TMEM108: variants seen among roughly 807,000 people sequenced by gnomAD.
TMEM108 encodes cancer/testis antigen 124.
In TMEM108, 12 loss-of-function variants were observed where a neutral mutation model predicts 35.1. The ratio of observed to expected loss-of-function variants is 0.34; its 90% CI spans 0.22 to 0.55. The LOEUF is 0.55. Ranked by LOEUF, TMEM108 falls within the 20% of genes least tolerant of loss-of-function variation. TMEM108 has a pLI of 0.89. For synonymous variants in TMEM108, 287 were observed against 308.6 expected, an observed-to-expected ratio of 0.93 and a Z score of 0.73; for missense variants, 680 against 753.3, an observed-to-expected ratio of 0.90 and a Z score of 1.14.
At chr3:133,204,523 AG>A (rs1226386008) in intron 2 of TMEM108, among the ~76,000 whole-genome samples, 1 of 152,164 alleles carries the variant, frequency 6.6e-6, no homozygotes, top group East Asian at 1.9e-4. Flanking sequence ...TTGGTTTCAA[AG>A]AATTTATTTA....
At chr3:133,373,717 C>G (rs1220808520) in intron 3 of TMEM108, among the ~76,000 whole-genome samples, 1 of 152,208 alleles carries the variant, frequency 6.6e-6, no homozygotes, top group Non-Finnish European at 1.5e-5. Context: ...GATGGTCAGA[C>G]TTAGTGTGCT....
chr3:133,264,804 GGA>G (rs1946674496), intron 3 of TMEM108, among the ~76,000 whole-genome samples: 3 of 152,130 alleles, frequency 2.0e-5, no homozygotes, highest in African/African-American at 7.2e-5. Context: ...CTTACTGAAG[GGA>G]CCAAATGAAA....
intron 3 of TMEM108, among the ~76,000 whole-genome samples, chr3:133,312,859 G>A (rs1047943729): frequency 2.6e-5 from 4 of 152,108 alleles, no homozygotes; most frequent in African/African-American, 4.8e-5. Context: ...GGGCCATCTT[G>A]GAACGGAACC....
intron 3 of TMEM108, among the ~76,000 whole-genome samples, chr3:133,330,918 A>G (rs2071386349): frequency 6.6e-6 from 1 of 152,220 alleles, no homozygotes; most frequent in Non-Finnish European, 1.5e-5. Flanking sequence ...ATAACATAGC[A>G]GAGAAAGAGG....
chr3:133,245,611 G>A (rs1466131257), intron 3 of TMEM108, among the ~76,000 whole-genome samples: 1 of 152,182 alleles, frequency 6.6e-6, no homozygotes, highest in African/African-American at 2.4e-5. Flanking sequence ...CCCACATGGT[G>A]TATTCTTAGC....
intron 5 of TMEM108, among the ~76,000 whole-genome samples, chr3:133,395,405 A>G (rs2073291013): frequency 6.6e-6 from 1 of 152,208 alleles, no homozygotes; most frequent in Non-Finnish European, 1.5e-5. Flanking sequence ...AGGTGTATTC[A>G]GGAAGGAAAA....
At chr3:133,112,985 TATGGTTAA>T (rs1944244332) in intron 2 of TMEM108, among the ~76,000 whole-genome samples, 1 of 152,178 alleles carries the variant, frequency 6.6e-6, no homozygotes, top group South Asian at 2.1e-4. Context: ...ACACTGTTAA[TATGGTTAA>T]ATGGTTAAAG....
At chr3:133,389,011 C>T (rs2073194194) in intron 4 of TMEM108, 1 of 985,598 alleles carries the variant, frequency 1.0e-6, no homozygotes, top group Admixed American at 6.1e-5. Flanking sequence ...TGGCTCTTGG[C>T]TTCAGCTCTC....
intron 5 of TMEM108, among the ~76,000 whole-genome samples, chr3:133,391,614 G>A (rs566815585): frequency 8.5e-5 from 13 of 152,208 alleles, no homozygotes; most frequent in African/African-American, 2.9e-4. Flanking sequence ...AGCCACACTG[G>A]ATTTCTTTTT....
At chr3:133,301,454 G>A (rs1947224137) in intron 3 of TMEM108, among the ~76,000 whole-genome samples, 1 of 152,096 alleles carries the variant, frequency 6.6e-6, no homozygotes, top group South Asian at 2.1e-4. Flanking sequence ...CATGCACAGT[G>A]GGCATTGCTG....
In TMEM108 at chr3:133,193,938, CT is replaced by C. The variant is rs34225124; in HGVS notation, c.-46-35312del. ...CTTAGGAATAGTAGGAACATTGATT[CT>C]TTTTTTTTTTTTTTTGAGACAGAGC... On this transcript the variant is annotated intron_variant, in intron 2 of 5. Coordinates refer to ENST00000321871, the MANE Select transcript of TMEM108 (RefSeq NM_023943.4). 3.2e-3 allele frequency among the ~76,000 whole-genome samples: 446 copies of C among 139,610 alleles called. 1 individual carries two copies. Among genetic ancestry groups the C allele is most frequent in the African/African-American group, 7.5e-3 (284 of 37,632 alleles). The allele number at this position is 139,610 out of a possible 152,430, so 91.6% of individuals were successfully genotyped here. A position where few individuals can be genotyped will look rare whatever the true frequency, so the allele number is the denominator to read the frequency against.
intron 2 of TMEM108, among the ~76,000 whole-genome samples, chr3:133,174,842 T>C (rs138694540): frequency 0.013 from 1,992 of 152,034 alleles, 20 homozygotes; most frequent in South Asian, 0.02. Flanking sequence ...CTTTGATGAG[T>C]TGAGAGAAGA....
At chr3:133,058,243 G>A (rs935274946) in intron 2 of TMEM108, among the ~76,000 whole-genome samples, 2 of 152,140 alleles carry the variant, frequency 1.3e-5, no homozygotes, top group Non-Finnish European at 2.9e-5. Context: ...AAACCTCTCT[G>A]TTTCTTGCCC....
At chr3:133,090,535 G>A (rs564016558) in intron 2 of TMEM108, among the ~76,000 whole-genome samples, 3 of 152,276 alleles carry the variant, frequency 2.0e-5, no homozygotes, top group South Asian at 4.1e-4. Flanking sequence ...AAGTCATTTC[G>A]CATTACTATA....
chr3:133,188,159 A>G (rs1945448631), intron 2 of TMEM108, among the ~76,000 whole-genome samples: 2 of 152,198 alleles, frequency 1.3e-5, no homozygotes, highest in Admixed American at 6.5e-5. Context: ...AGCAAAACCA[A>G]TAAGCCAAGC....
intron 2 of TMEM108, among the ~76,000 whole-genome samples, chr3:133,180,451 G>A (rs1307106585): frequency 6.6e-6 from 1 of 151,846 alleles, no homozygotes; most frequent in East Asian, 1.9e-4. Flanking sequence ...TAATAATAAA[G>A]GGTTTTATTT....
chr3:133,272,133 G>T (rs1946778927), intron 3 of TMEM108, among the ~76,000 whole-genome samples: 1 of 152,098 alleles, frequency 6.6e-6, no homozygotes, highest in Admixed American at 6.6e-5. Flanking sequence ...CGTCAATAAG[G>T]CCAAATAGGA....
At chr3:133,124,028 C>CAG (rs1309356306) in intron 2 of TMEM108, among the ~76,000 whole-genome samples, 1 of 152,190 alleles carries the variant, frequency 6.6e-6, no homozygotes, top group Non-Finnish European at 1.5e-5. Flanking sequence ...ATCCTATCAG[C>CAG]AGAGCAAGCC....
chr3:133,348,509 C>T (rs760627735), intron 3 of TMEM108, among the ~76,000 whole-genome samples: 39 of 152,176 alleles, frequency 2.6e-4, no homozygotes, highest in South Asian at 8.3e-4. Context: ...GGAGTGGAGG[C>T]GGGCAGTCCC....
Sources: gnomAD v4.1 joint callset for allele counts (sites outside exome capture counted in the v4.1 genomes callset) on GRCh38, gnomAD v4.1.1 for gene constraint, MANE v1.5 for transcripts, NCBI Gene and HGNC (gene_info 2026-07-23, HGNC 2026-07-21) for gene names.